The following GNAQ variants were observed in gnomAD, a reference collection of about 807,000 sequenced individuals.
GNAQ encodes the protein G protein subunit alpha q.
GNAQ carries 8 observed loss-of-function variants against 43.9 expected under a neutral mutation model. The ratio of observed to expected loss-of-function variants is 0.18; its 90% CI spans 0.11 to 0.33. GNAQ has a LOEUF of 0.33. GNAQ is among the 10% of genes least tolerant of loss of function. The pLI is 1.00. For missense variants in GNAQ, 158 were observed against 450.8 expected (o/e 0.35, Z 5.88); for synonymous variants, 155 against 170.7 (o/e 0.91, Z 0.71).
At chr9:77,909,256 G>A (rs1828760017) in intron 2 of GNAQ, among the ~76,000 whole-genome samples, 1 of 152,174 alleles carries the variant, frequency 6.6e-6, no homozygotes, top group Non-Finnish European at 1.5e-5. Flanking sequence ...CTTTAGTGAG[G>A]TACTTTGACT....
chr9:78,007,322 G>C (rs1244207544), intron 1 of GNAQ, among the ~76,000 whole-genome samples: 2 of 144,488 alleles, frequency 1.4e-5, no homozygotes, highest in Non-Finnish European at 3.0e-5. Context: ...TAAAAACCTT[G>C]ACTAAAATAT....
chr9:77,976,359 G>GTTTTTGT (rs1056120706), intron 1 of GNAQ, among the ~76,000 whole-genome samples: 7 of 151,900 alleles, frequency 4.6e-5, no homozygotes, highest in Non-Finnish European at 8.8e-5. Flanking sequence ...AACAGGCTTG[G>GTTTTTGT]TTTTTGTTTT....
At chr9:77,844,266 G>C (rs1827543720) in intron 2 of GNAQ, among the ~76,000 whole-genome samples, 2 of 152,074 alleles carry the variant, frequency 1.3e-5, no homozygotes, top group African/African-American at 4.8e-5. Context: ...CCACTCCTGG[G>C]CAAGAGGACA....
intron 2 of GNAQ, among the ~76,000 whole-genome samples, chr9:77,816,434 A>G (rs1318804482): frequency 6.6e-6 from 1 of 152,192 alleles, no homozygotes; most frequent in Non-Finnish European, 1.5e-5. Flanking sequence ...TTAACAATGT[A>G]AAATAACTTG....
intron 2 of GNAQ, among the ~76,000 whole-genome samples, chr9:77,881,579 A>G (rs1490381695): frequency 6.6e-6 from 1 of 152,044 alleles, no homozygotes; most frequent in African/African-American, 2.4e-5. Flanking sequence ...GGGGCTTGCT[A>G]TAGTATATTG....
At chr9:77,989,868 T>C (rs780918439) in intron 1 of GNAQ, among the ~76,000 whole-genome samples, 3 of 152,226 alleles carry the variant, frequency 2.0e-5, no homozygotes, top group Non-Finnish European at 4.4e-5. Context: ...TGACATCACA[T>C]TTGCACAAAT....
At chr9:77,957,390 C>T (rs886683581) in intron 1 of GNAQ, among the ~76,000 whole-genome samples, 5 of 151,748 alleles carry the variant, frequency 3.3e-5, no homozygotes, top group African/African-American at 1.2e-4. Context: ...AAAAACAAAA[C>T]AAACAAAAAA....
At position 77,794,233 on chromosome 9, in the gene GNAQ, T is replaced by A. The variant is rs576223306; in HGVS notation, c.735+230A>T. ...TTTCATTTTCAGAACCTCTGCATAG[T>A]GTTAAAAAGTATCAAATAGGCTCTA... On this transcript the variant is annotated intron_variant, in intron 5 of 6. Coordinates refer to ENST00000286548, the MANE Select transcript of GNAQ (RefSeq NM_002072.5). 1.1e-4 allele frequency among the ~76,000 whole-genome samples: 17 copies of A among 152,270 alleles called. No homozygotes were observed. The South Asian group carries it at 3.5e-3, about 32-fold the overall frequency.
At position 78,007,440 on chromosome 9, in the gene GNAQ, G is replaced by GA. The variant is rs199945691; in HGVS notation, c.136+23659dup. On this transcript the variant is annotated intron_variant, in intron 1 of 6. Coordinates refer to ENST00000286548, the MANE Select transcript of GNAQ (RefSeq NM_002072.5). ...AAGCCACCCACTAGAAAACAAGGAAGAAAAAAAAAAAATCGAACAGCCTCT... is the reference window on the plus strand; with the variant it reads ...AAGCCACCCACTAGAAAACAAGGAAGAAAAAAAAAAAAATCGAACAGCCTCT... 7.0e-3 allele frequency among the ~76,000 whole-genome samples: 955 copies of GA among 136,984 alleles called. 5 individuals carry two copies. The highest frequency in any genetic ancestry group is 0.018 in the African/African-American group (667 of 37,420). The allele number at this position is 136,984 out of a possible 152,430, so 89.9% of individuals were successfully genotyped here. A position where few individuals can be genotyped will look rare whatever the true frequency, so the allele number is the denominator to read the frequency against.
intron 1 of GNAQ, among the ~76,000 whole-genome samples, chr9:78,015,460 A>T (rs539997682): frequency 6.6e-6 from 1 of 152,352 alleles, no homozygotes; most frequent in Non-Finnish European, 1.5e-5. Flanking sequence ...AGAGTCATGG[A>T]AGACTTCTGC....
At chr9:77,763,375 C>T (rs1304506624) in intron 5 of GNAQ, among the ~76,000 whole-genome samples, 1 of 152,134 alleles carries the variant, frequency 6.6e-6, no homozygotes, top group African/African-American at 2.4e-5. Context: ...CCTGTAATCC[C>T]AGCACTTTGG....
At chr9:77,975,897 A>G (rs921926278) in intron 1 of GNAQ, among the ~76,000 whole-genome samples, 1 of 152,158 alleles carries the variant, frequency 6.6e-6, no homozygotes, top group African/African-American at 2.4e-5. Flanking sequence ...TCTCACTGCA[A>G]TGAGAGTCAT....
chr9:77,880,555 G>GTTTT (rs55926441), intron 2 of GNAQ, among the ~76,000 whole-genome samples: 6 of 141,496 alleles, frequency 4.2e-5, no homozygotes, highest in African/African-American at 5.3e-5. Flanking sequence ...GATTTTTTCT[G>GTTTT]TTTTTTTTTT....
At chr9:77,982,124 G>A (rs569186516) in intron 1 of GNAQ, among the ~76,000 whole-genome samples, 1 of 152,286 alleles carries the variant, frequency 6.6e-6, no homozygotes, top group Non-Finnish European at 1.5e-5. Context: ...TACAACCTAT[G>A]ACTACCATTA....
chr9:77,750,387 CAA>C (rs1825794957), intron 5 of GNAQ, among the ~76,000 whole-genome samples: 6 of 152,116 alleles, frequency 3.9e-5, no homozygotes, highest in Non-Finnish European at 8.8e-5. Context: ...ACTTAATTAG[CAA>C]ATACAGATGG....
intron 3 of GNAQ, among the ~76,000 whole-genome samples, chr9:77,800,747 C>T (rs1409738441): frequency 6.6e-6 from 1 of 152,154 alleles, no homozygotes; most frequent in East Asian, 1.9e-4. Context: ...ATAAATAAAT[C>T]AAGTAATTCA....
chr9:77,835,819 T>C (rs1827374468), intron 2 of GNAQ, among the ~76,000 whole-genome samples: 1 of 152,130 alleles, frequency 6.6e-6, no homozygotes, highest in African/African-American at 2.4e-5. Context: ...AATACAACAA[T>C]AATGGAGATA....
At chr9:77,860,747 C>T (rs1164709686) in intron 2 of GNAQ, among the ~76,000 whole-genome samples, 1 of 152,126 alleles carries the variant, frequency 6.6e-6, no homozygotes, top group African/African-American at 2.4e-5. Context: ...ACAGTCCCCA[C>T]AGGACTGGAA....
intron 1 of GNAQ, among the ~76,000 whole-genome samples, chr9:78,025,563 G>T (rs1418626212): frequency 6.6e-6 from 1 of 152,144 alleles, no homozygotes; most frequent in African/African-American, 2.4e-5. Context: ...ACTGCCTCCC[G>T]TTCCAACCAG....
Sources: allele counts gnomAD v4.1 joint callset (sites outside exome capture counted in the v4.1 genomes callset), GRCh38; gene constraint gnomAD v4.1.1; transcripts MANE v1.5; gene names NCBI Gene and HGNC (gene_info 2026-07-23, HGNC 2026-07-21).